TXNRD2: variants seen among roughly 807,000 people sequenced by gnomAD.
TXNRD2 encodes the protein thioredoxin reductase 2, also known as thioredoxin reductase 2, mitochondrial.
Under a neutral mutation model 70.8 loss-of-function variants are expected in TXNRD2, and 67 were observed. The observed-to-expected ratio is 0.95, with a 90% CI of 0.78 to 1.16. TXNRD2 has a LOEUF of 1.16. TXNRD2 is among the 50% of genes most tolerant of loss of function. The pLI is 0.00. For synonymous variants in TXNRD2, 301 were observed against 295.8 expected (o/e 1.02, Z -0.18); for missense variants, 644 against 719.9 (o/e 0.89, Z 1.21).
At chr22:19,923,240 T>C (rs940682077) in intron 2 of TXNRD2, among the ~76,000 whole-genome samples, 16 of 148,160 alleles carry the variant, frequency 1.1e-4, no homozygotes, top group Admixed American at 6.6e-4. Flanking sequence ...TTTAAAACTA[T>C]TTTTTTCCTT....
At chr22:19,876,487 G>C (rs1379980413) in intron 17 of TXNRD2, 2 of 152,338 alleles carry the variant, frequency 1.3e-5, no homozygotes, top group Non-Finnish European at 2.9e-5. Context: ...AAGAGGTCAC[G>C]ATGAACAACA....
intron 1 of TXNRD2, chr22:19,932,554 G>A: frequency 6.7e-7 from 1 of 1,490,154 alleles, no homozygotes; most frequent in Non-Finnish European, 9.0e-7. Flanking sequence ...TGAGGTCCGG[G>A]ACACCCAGCA....
chr22:19,924,604 T>A (rs188798189), intron 2 of TXNRD2, among the ~76,000 whole-genome samples: 27 of 152,290 alleles, frequency 1.8e-4, no homozygotes, highest in South Asian at 1.4e-3. Context: ...AGCTGGATTG[T>A]AGAGATGAAA....
At position 19,880,181 on chromosome 22, in the gene TXNRD2, C is replaced by T; in HGVS notation, c.1273G>A (p.Glu425Lys). 6.2e-7 allele frequency: 1 copy of T among 1,613,106 alleles called. No homozygotes were observed. The highest frequency in any genetic ancestry group is 8.5e-7 in the Non-Finnish European group (1 of 1,179,970). Reference protein sequence around the residue: ...AVARHGQEHVEVYHAHYKPLE... With the variant: ...AVARHGQEHVKVYHAHYKPLE... The stretch of plus-strand genomic sequence containing the variant: ...GCTGTGCTGCTCCCAGGCCTCACCT[C>T]AACATGCTCCTGCCCGTGGCGAGCC... The change falls in exon 14 of 18, where the codon GAG becomes AAG. Residue 425 changes from glutamate (E) to lysine (K), a missense_variant and splice_region_variant. Coordinates refer to ENST00000400521, the MANE Select transcript of TXNRD2 (RefSeq NM_006440.5).
chr22:19,909,731 TCACA>T (rs529822645), intron 8 of TXNRD2, among the ~76,000 whole-genome samples: 4 of 48,646 alleles, frequency 8.2e-5, no homozygotes, highest in African/African-American at 3.3e-4. Flanking sequence ...CACACACCAC[TCACA>T]CACACACCAC....
intron 2 of TXNRD2, among the ~76,000 whole-genome samples, chr22:19,928,796 C>T (rs1268984419): frequency 6.6e-6 from 1 of 151,572 alleles, no homozygotes; most frequent in Non-Finnish European, 1.5e-5. Context: ...CCCTTGAGGC[C>T]AGAAGTTCGA....
chr22:19,878,507 A>G lies in TXNRD2; in HGVS notation c.1276-70T>C, dbSNP rs548366620. The G allele has an allele frequency of 4.7e-4, 643 of 1,367,746 alleles. 4 individuals are homozygous for G. The African/African-American group carries it at 7.8e-3, about 17-fold the overall frequency. 84.7% of individuals were successfully genotyped at this position (1,367,746 alleles called of 1,614,324 possible). ...ACCTCGTGGCACCTGCAGCTCCCAC[A>G]GGCTGCATGGGCAAGGCAGGGTCAT... is the stretch of plus-strand genomic sequence containing the variant. On this transcript the variant is annotated intron_variant, in intron 14 of 17. Coordinates refer to ENST00000400521, the MANE Select transcript of TXNRD2 (RefSeq NM_006440.5).
intron 11 of TXNRD2, chr22:19,893,798 G>A (rs56312415): frequency 0.031 from 4,693 of 152,332 alleles, 98 homozygotes; most frequent in South Asian, 0.087. Context: ...GGAAGCCTTC[G>A]AAATGTGACT....
intron 7 of TXNRD2, among the ~76,000 whole-genome samples, chr22:19,911,839 T>A (rs150275343): frequency 6.6e-6 from 1 of 152,162 alleles, no homozygotes; most frequent in East Asian, 1.9e-4. Context: ...GACAGGGGCA[T>A]GCAGCCCCAG....
intron 1 of TXNRD2, among the ~76,000 whole-genome samples, chr22:19,934,537 A>C (rs1487093133): frequency 6.6e-6 from 1 of 151,736 alleles, no homozygotes; most frequent in Non-Finnish European, 1.5e-5. Context: ...ACATTTATCA[A>C]TTCCCAAGTA....
intron 10 of TXNRD2, among the ~76,000 whole-genome samples, chr22:19,896,169 G>T (rs1939497028): frequency 6.6e-6 from 1 of 151,808 alleles, no homozygotes; most frequent in African/African-American, 2.4e-5. Context: ...GTGGTGGCAG[G>T]TACCTGTAGT....
chr22:19,909,870 C>CTACT (rs1252700974), intron 8 of TXNRD2, among the ~76,000 whole-genome samples: 8 of 100,252 alleles, frequency 8.0e-5, no homozygotes, highest in Non-Finnish European at 3.8e-5. Context: ...CACACACACA[C>CTACT]CACTCACACA....
chr22:19,911,521 C>T (rs1213559638), intron 7 of TXNRD2, 74 bp from the exon 8 acceptor site: 2 of 1,146,164 alleles, frequency 1.7e-6, no homozygotes, highest in African/African-American at 1.5e-5. Context: ...AAGAGGATGC[C>T]AGCTTTGCAG....
Position 19,933,590 on chromosome 22 carries a change from CCT to C in TXNRD2, c.104-2494_104-2493del, listed in dbSNP as rs928968679. On this transcript the variant is annotated intron_variant, in intron 1 of 17. Transcript: ENST00000400521. ...CTTATCTTGGGCAGCTTGCTCGCCC[CCT>C]GTGCACACCCAGGAGCCCTCTCGGG... is the stretch of plus-strand genomic sequence containing the variant. The C allele has an allele frequency of 5.7e-6, 6 of 1,055,940 alleles. No individual in the cohort carries two copies. The African/African-American group carries it at 8.2e-5, about 14-fold the overall frequency. 65.4% of individuals were successfully genotyped at this position (1,055,940 alleles called of 1,614,324 possible).
chr22:19,922,160 A>C (rs73383885), intron 2 of TXNRD2, among the ~76,000 whole-genome samples: 2,365 of 152,326 alleles, frequency 0.016, 59 homozygotes, highest in African/African-American at 0.054. Flanking sequence ...TATAAAGGGG[A>C]CAAAAAAAAA....
At position 19,901,551 on chromosome 22, in the gene TXNRD2, C is replaced by T. The variant is rs60814905; in HGVS notation, c.663-2483G>A. Among the ~76,000 whole-genome samples, 655 of 152,310 alleles carry T rather than the reference C, an allele frequency of 4.3e-3. 7 individuals carry two copies. The highest frequency in any genetic ancestry group is 0.015 in the African/African-American group (618 of 41,562). On this transcript the variant is annotated intron_variant, in intron 8 of 17. Transcript: ENST00000400521. ...CATTGGTTTTCACTGTACGCCTCCC[C>T]GCATTGATCAAATTATGTGAATGTT...
rs1469604801 is a variant in TXNRD2 at position 19,915,817 on chromosome 22, G to A, written c.476C>T (p.Ala159Val). The change falls in exon 6 of 18, where the codon GCC becomes GTC. Residue 159 changes from alanine (A) to valine (V), a missense_variant. Physicochemically the swap from Ala to Val is moderately conservative, Grantham distance 64. Around this residue, in one of 3 missense-constraint regions of TXNRD2, gnomAD observed 566 missense variants for 645.0 expected, o/e 0.88. Transcript: ENST00000400521. ...AACCGTGTGCTCGTCAACAAAGCTG[G>A]CTTTGATGTTAAAGTACTTGACTTT... ...DRKVKYFNIK[A>V]SFVDEHTVCG... 1 of 1,614,128 alleles carries A rather than the reference G, an allele frequency of 6.2e-7. No individual in the cohort carries two copies. The highest frequency in any genetic ancestry group is 1.1e-5 in the South Asian group (1 of 91,080).
At chr22:19,879,615 TGGTGGGGGG>T (rs1938666017) in intron 14 of TXNRD2, among the ~76,000 whole-genome samples, 1 of 26,816 alleles carries the variant, frequency 3.7e-5, no homozygotes, top group African/African-American at 1.4e-4. Flanking sequence ...AGGTGCAGGG[TGGTGGGGGG>T]GGTGGGGGTG....
At chr22:19,902,934 T>C (rs771851775) in intron 8 of TXNRD2, 4 of 518,834 alleles carry the variant, frequency 7.7e-6, no homozygotes, top group South Asian at 5.6e-5. Context: ...TCGCAGTACC[T>C]GGCTGGCTTC....
Sources: allele counts gnomAD v4.1 joint callset (sites outside exome capture counted in the v4.1 genomes callset), GRCh38; gene constraint gnomAD v4.1.1; regional missense constraint gnomAD v4.1.1; transcripts MANE v1.5; gene names NCBI Gene and HGNC (gene_info 2026-07-23, HGNC 2026-07-21).